PPP1R12A: variants seen among roughly 807,000 people sequenced by gnomAD.
The protein encoded by PPP1R12A is myosin binding subunit.
A neutral mutation model predicts 139.6 loss-of-function variants in PPP1R12A; 19 were observed. The observed-to-expected ratio is 0.14, with a 90% CI of 0.09 to 0.20. The LOEUF (loss-of-function observed/expected upper bound fraction) is 0.20. PPP1R12A is among the 10% of genes least tolerant of loss of function. PPP1R12A has a pLI of 1.00. For missense variants in PPP1R12A, 925 were observed against 1,211.5 expected (o/e 0.76, Z 3.51); for synonymous variants, 427 against 420.6 (o/e 1.02, Z -0.19).
intron 1 of PPP1R12A, among the ~76,000 whole-genome samples, chr12:79,928,361 G>A (rs1888001845): frequency 6.6e-6 from 1 of 152,188 alleles, no homozygotes; most frequent in Non-Finnish European, 1.5e-5. Context: ...GGGCACTGGT[G>A]CCCTACCAGC....
At chr12:79,849,265 G>T (rs896062592) in intron 2 of PPP1R12A, among the ~76,000 whole-genome samples, 2 of 152,070 alleles carry the variant, frequency 1.3e-5, no homozygotes, top group Non-Finnish European at 2.9e-5. Flanking sequence ...GTGCACACCT[G>T]TAATCCCAGC....
intron 10 of PPP1R12A, 94 bp downstream of exon 10, chr12:79,809,701 C>A: frequency 1.1e-6 from 1 of 937,528 alleles, no homozygotes. Context: ...ATACCTAGAT[C>A]TAAAGATAAC....
At chr12:79,806,017 A>G (rs771562030) in intron 13 of PPP1R12A, 149 bp downstream of exon 13, 41 of 1,116,220 alleles carry the variant, frequency 3.7e-5, no homozygotes, top group Non-Finnish European at 5.1e-5. Flanking sequence ...GACATGCATA[A>G]TTGCCTCATT....
In PPP1R12A at chr12:79,788,587, G is replaced by C. The variant is rs1377524573; in HGVS notation, c.2802+61C>G. 5 of 1,401,760 alleles carry C rather than the reference G, an allele frequency of 3.6e-6. No individual in the cohort carries two copies. In the East Asian group the frequency reaches 9.8e-5, roughly 27 times the overall value. The allele number at this position is 1,401,760 out of a possible 1,614,324, so 86.8% of individuals were successfully genotyped here. ...ATTATGAGTTTTTAAAATAATATTT[G>C]AATGAGTATCTCAACATAAAAGATA... is the stretch of plus-strand genomic sequence containing the variant. On this transcript the variant is annotated intron_variant, in intron 21 of 24. Transcript: ENST00000450142.
At chr12:79,871,530 T>C (rs1385146918) in intron 2 of PPP1R12A, among the ~76,000 whole-genome samples, 1 of 152,168 alleles carries the variant, frequency 6.6e-6, no homozygotes, top group African/African-American at 2.4e-5. Flanking sequence ...ACAACAAACC[T>C]AGGAAATACT....
chr12:79,847,454 A>C (rs1242290996), intron 2 of PPP1R12A, among the ~76,000 whole-genome samples: 1 of 152,210 alleles, frequency 6.6e-6, no homozygotes, highest in Non-Finnish European at 1.5e-5. Context: ...CATGAGACTG[A>C]AAATATTTAG....
At chr12:79,822,056 G>A (rs1420384951) in intron 6 of PPP1R12A, 60 bp downstream of exon 6, 3 of 1,189,608 alleles carry the variant, frequency 2.5e-6, no homozygotes, top group Admixed American at 4.4e-5. Flanking sequence ...TTTTGTAATT[G>A]TCTCAAATTC....
chr12:79,815,701 C>T (rs1049137096), intron 9 of PPP1R12A, among the ~76,000 whole-genome samples: 2 of 152,064 alleles, frequency 1.3e-5, no homozygotes, highest in Non-Finnish European at 2.9e-5. Context: ...TTTATAGTGA[C>T]GCTAGTTATA....
chr12:79,834,541 A>C (rs941084063), intron 3 of PPP1R12A, among the ~76,000 whole-genome samples: 1 of 152,196 alleles, frequency 6.6e-6, no homozygotes, highest in African/African-American at 2.4e-5. Context: ...AGGCTTACCA[A>C]GAGAATTTGC....
At chr12:79,827,654 A>G (rs1876955223) in intron 5 of PPP1R12A, among the ~76,000 whole-genome samples, 1 of 152,226 alleles carries the variant, frequency 6.6e-6, no homozygotes, top group African/African-American at 2.4e-5. Context: ...AAACTTGATA[A>G]CCTGAATCTT....
At chr12:79,818,025 T>G (rs1875619413) in intron 8 of PPP1R12A, among the ~76,000 whole-genome samples, 1 of 152,128 alleles carries the variant, frequency 6.6e-6, no homozygotes, top group Non-Finnish European at 1.5e-5. Context: ...TTCCCACTCC[T>G]AAAAAGTCTA....
chr12:79,812,439 CTG>C (rs957544865), intron 9 of PPP1R12A, among the ~76,000 whole-genome samples: 1 of 122,640 alleles, frequency 8.2e-6, no homozygotes, highest in African/African-American at 3.4e-5. Context: ...CTTATACAGG[CTG>C]TGTGTGTTTG....
intron 14 of PPP1R12A, among the ~76,000 whole-genome samples, chr12:79,799,139 CTT>C (rs920138597): frequency 2.0e-5 from 3 of 151,746 alleles, no homozygotes; most frequent in African/African-American, 7.3e-5. Context: ...CTTTCTAAAT[CTT>C]TTTTTTGTTT....
chr12:79,805,679 A>G lies in PPP1R12A; in HGVS notation c.1913T>C (p.Val638Ala). ...TAVTIPVAPT[V>A]VNAAASTTTL... The stretch of plus-strand genomic sequence containing the variant: ...TGTGGTAGAAGCTGCAGCATTTACA[A>G]CAGTTGGAGCAACAGGAATGGTCAC... The change falls in exon 14 of 25, where the codon GTT (valine) becomes GCT (alanine). Residue 638 changes from valine (V) to alanine (A), a missense_variant. By Grantham distance (64) the Val-to-Ala change is moderately conservative (BLOSUM62 0). This residue lies in a region of PPP1R12A where 403 missense variants were observed against 463.7 expected (regional missense o/e 0.87). Coordinates refer to ENST00000450142, the MANE Select transcript of PPP1R12A (RefSeq NM_002480.3). 3.1e-6 allele frequency: 5 copies of G among 1,613,760 alleles called. No homozygotes were observed. The highest frequency in any genetic ancestry group is 4.2e-6 in the Non-Finnish European group (5 of 1,179,762).
intron 24 of PPP1R12A, chr12:79,777,062 TAATATAAACTTA>T: frequency 8.3e-6 from 5 of 602,044 alleles, no homozygotes; most frequent in Non-Finnish European, 1.0e-5. Context: ...TGAATATTTG[TAATATAAACTTA>T]AATATAAACT....
chr12:79,855,933 A>C (rs1003933733), intron 2 of PPP1R12A, among the ~76,000 whole-genome samples: 1 of 152,096 alleles, frequency 6.6e-6, no homozygotes, highest in Non-Finnish European at 1.5e-5. Context: ...AAAAAAAAAA[A>C]CACAGTAAGC....
In PPP1R12A at chr12:79,862,652, C is replaced by T. The variant is rs369092660; in HGVS notation, c.368+10156G>A. On this transcript the variant is annotated intron_variant, in intron 2 of 24. Transcript: ENST00000450142. ...CCTGATGGAGCTGAAAACCACAGTA[C>T]GAGAACTTCATGAAGCATACACAAG... is the stretch of plus-strand genomic sequence containing the variant. Among the ~76,000 whole-genome samples, 49 of 152,160 alleles carry T rather than the reference C, an allele frequency of 3.2e-4. No individual in the cohort carries two copies. In the South Asian group the frequency reaches 3.9e-3, roughly 12 times the overall value.
At chr12:79,786,242 T>C in intron 22 of PPP1R12A, 132 bp downstream of exon 22, 1 of 564,290 alleles carries the variant, frequency 1.8e-6, no homozygotes, top group Non-Finnish European at 3.0e-6. Flanking sequence ...AAATCATCCA[T>C]AAACAGCATT....
chr12:79,836,418 C>T lies in PPP1R12A; in HGVS notation c.488-3927G>A, dbSNP rs149786008. Among the ~76,000 whole-genome samples, 914 of 152,068 alleles carry T rather than the reference C, an allele frequency of 6.0e-3. 4 individuals carry two copies. The highest frequency in any genetic ancestry group is 0.017 in the Middle Eastern group (5 of 294). On this transcript the variant is annotated intron_variant, in intron 3 of 24. Coordinates refer to ENST00000450142, the MANE Select transcript of PPP1R12A (RefSeq NM_002480.3). ...ACGTTCTGATTTTTATTGTCTTTTA[C>T]TATTCTGTTTCCTTTGAACTTCAAG... is the stretch of plus-strand genomic sequence containing the variant.
Sources: gnomAD v4.1 joint callset for allele counts (sites outside exome capture counted in the v4.1 genomes callset) on GRCh38, gnomAD v4.1.1 for gene constraint, gnomAD v4.1.1 regional missense constraint, MANE v1.5 for transcripts, NCBI Gene and HGNC (gene_info 2026-07-23, HGNC 2026-07-21) for gene names.